Variants in PTK2B observed in about 807,000 individuals in gnomAD.
The protein encoded by PTK2B is protein-tyrosine kinase 2-beta.
In PTK2B, 71 loss-of-function variants were observed where a neutral mutation model predicts 142.9. The observed-to-expected ratio is 0.50, with a 90% CI of 0.41 to 0.61. PTK2B has a LOEUF of 0.61. Among genes scored for constraint, PTK2B ranks in the 20% least tolerant of loss-of-function variants. The probability of loss-of-function intolerance (pLI) is 0.00; values close to 1 mark genes in which losing one functional copy is unlikely to be tolerated. For synonymous variants in PTK2B, 519 were observed against 503.4 expected (o/e 1.03, Z -0.42); for missense variants, 1,105 against 1,320.4 (o/e 0.84, Z 2.53).
At chr8:27,347,147 C>T (rs961677416) in intron 1 of PTK2B, among the ~76,000 whole-genome samples, 1 of 150,506 alleles carries the variant, frequency 6.6e-6, no homozygotes, top group Non-Finnish European at 1.5e-5. Context: ...GAGGCCAAAA[C>T]GGGTGGATCA....
At chr8:27,368,948 C>A (rs1157673980) in intron 1 of PTK2B, among the ~76,000 whole-genome samples, 1 of 152,158 alleles carries the variant, frequency 6.6e-6, no homozygotes, top group African/African-American at 2.4e-5. Flanking sequence ...GGAGTGTCTC[C>A]CCTCTCAGGA....
chr8:27,423,048 G>A (rs958071172), intron 5 of PTK2B, among the ~76,000 whole-genome samples: 1 of 152,186 alleles, frequency 6.6e-6, no homozygotes, highest in African/African-American at 2.4e-5. Context: ...GGGATCAGTG[G>A]AAGGAAAAGC....
intron 1 of PTK2B, among the ~76,000 whole-genome samples, chr8:27,371,720 G>GT (rs1320174678): frequency 3.9e-5 from 6 of 151,990 alleles, no homozygotes; most frequent in African/African-American, 1.5e-4. Flanking sequence ...GCTAATTTTT[G>GT]TATTTTTAGT....
At chr8:27,350,892 C>T (rs1805012411) in intron 1 of PTK2B, among the ~76,000 whole-genome samples, 1 of 146,684 alleles carries the variant, frequency 6.8e-6, no homozygotes, top group Non-Finnish European at 1.5e-5. Flanking sequence ...AGGAGAATTG[C>T]TTGAACCCGG....
chr8:27,424,714 C>T (rs1019145930), intron 5 of PTK2B, among the ~76,000 whole-genome samples: 2 of 152,202 alleles, frequency 1.3e-5, no homozygotes, highest in African/African-American at 4.8e-5. Flanking sequence ...GGACACACTT[C>T]GGAAAATTAG....
At chr8:27,434,417 C>A (rs1810640446) in intron 12 of PTK2B, 96 bp from the exon 13 acceptor site, 1 of 1,360,018 alleles carries the variant, frequency 7.4e-7, no homozygotes, top group East Asian at 2.5e-5. Context: ...GACTACTTCT[C>A]CACAGGGGGC....
intron 22 of PTK2B, 100 bp downstream of exon 22, chr8:27,443,083 C>T: frequency 4.2e-6 from 3 of 720,684 alleles, no homozygotes; most frequent in Non-Finnish European, 7.3e-6. Flanking sequence ...ATGCCCCCTA[C>T]AGCCCTTTCT....
intron 2 of PTK2B, among the ~76,000 whole-genome samples, chr8:27,418,594 C>G (rs891392): frequency 6.6e-6 from 1 of 152,246 alleles, no homozygotes; most frequent in East Asian, 1.9e-4. Flanking sequence ...CTTGATGGCA[C>G]GCACATTGCA....
Position 27,437,193 on chromosome 8 carries a change from C to T in PTK2B, c.1413C>T (p.Phe471=), listed in dbSNP as rs1198327268. 1.2e-6 allele frequency: 2 copies of T among 1,613,948 alleles called. No homozygotes were observed. The highest frequency in any genetic ancestry group is 4.5e-5 in the East Asian group (2 of 44,862). Residue 471 remains phenylalanine (F), a synonymous_variant, in exon 16 of 31, where the codon TTC becomes TTT. Transcript: ENST00000346049. ...KDCTLDNKEK[F]MSEAVIMKNL... The stretch of plus-strand genomic sequence containing the variant: ...GCACTCTGGACAACAAGGAGAAGTT[C>T]ATGAGCGAGGCAGGTAGGGACCCCT...
chr8:27,333,444 G>A (rs1227600105), intron 1 of PTK2B, among the ~76,000 whole-genome samples: 2 of 152,170 alleles, frequency 1.3e-5, no homozygotes, highest in East Asian at 1.9e-4. Context: ...GAATTCGCAA[G>A]GGAGCAGATA....
chr8:27,407,295 C>T (rs1233013329), intron 2 of PTK2B, among the ~76,000 whole-genome samples: 3 of 152,250 alleles, frequency 2.0e-5, no homozygotes, highest in African/African-American at 7.2e-5. Context: ...AACATAAAAC[C>T]CTTCATGATT....
In PTK2B at chr8:27,440,397, C is replaced by T. The variant is rs777356124; in HGVS notation, c.1995C>T (p.Asp665=). ...YTLMTRCWDY[D]PSDRPRFTEL... ...TCATGACCCGCTGCTGGGACTACGA[C>T]CCCAGTGACCGGCCCCGCTTCACCG... The change falls in exon 21 of 31, where the codon GAC becomes GAT. Residue 665 remains aspartate, a synonymous_variant. Coordinates refer to ENST00000346049, the MANE Select transcript of PTK2B (RefSeq NM_173176.3). The T allele has an allele frequency of 6.2e-6, 10 of 1,614,058 alleles. No homozygotes were observed. Among genetic ancestry groups the T allele is most frequent in the Middle Eastern group, 1.7e-4 (1 of 6,054 alleles).
chr8:27,430,920 C>T lies in PTK2B; in HGVS notation c.714C>T (p.Tyr238=), dbSNP rs763392593. 2.5e-5 allele frequency: 41 copies of T among 1,614,082 alleles called. 1 individual carries two copies. In the East Asian group the frequency reaches 2.7e-4, roughly 11 times the overall value. Residue 238 remains tyrosine (Y), a synonymous_variant, in exon 8 of 31, where the codon TAC becomes TAT. Coordinates refer to ENST00000346049, the MANE Select transcript of PTK2B (RefSeq NM_173176.3). ...RKMIQQTFQQ[Y]ASLREEECVM... is the part of the protein sequence containing the mutation. ...TGATCCAGCAGACCTTCCAGCAGTA[C>T]GCCTCGCTCAGGGAGGAGGAGTGCG...
intron 2 of PTK2B, among the ~76,000 whole-genome samples, chr8:27,403,280 T>A (rs1267180697): frequency 6.6e-6 from 1 of 152,208 alleles, no homozygotes; most frequent in East Asian, 1.9e-4. Flanking sequence ...GAGTGTCTGA[T>A]CAAATGGAAG....
At chr8:27,352,475 G>A (rs867684126) in intron 1 of PTK2B, among the ~76,000 whole-genome samples, 1 of 152,202 alleles carries the variant, frequency 6.6e-6, no homozygotes, top group South Asian at 2.1e-4. Flanking sequence ...GGGGTGGAGG[G>A]GGGGCGGTCA....
At chr8:27,446,145 A>G (rs944977178) in intron 24 of PTK2B, among the ~76,000 whole-genome samples, 1 of 152,214 alleles carries the variant, frequency 6.6e-6, no homozygotes, top group African/African-American at 2.4e-5. Flanking sequence ...AGCTGGACCT[A>G]ACCTGCCCTT....
At chr8:27,456,319 CA>C (rs1563308625) in intron 30 of PTK2B, among the ~76,000 whole-genome samples, 1 of 152,188 alleles carries the variant, frequency 6.6e-6, no homozygotes, top group African/African-American at 2.4e-5. Context: ...GTGTCTCTGT[CA>C]CATTTTGGTA....
At chr8:27,421,876 G>C (rs1447743638) in intron 4 of PTK2B, among the ~76,000 whole-genome samples, 1 of 152,242 alleles carries the variant, frequency 6.6e-6, no homozygotes, top group Non-Finnish European at 1.5e-5. Context: ...GCTGTTTTCT[G>C]TCTGATATTA....
At chr8:27,452,594 G>A (rs1395575019) in intron 27 of PTK2B, 2 of 152,038 alleles carry the variant, frequency 1.3e-5, no homozygotes, top group South Asian at 2.1e-4. Flanking sequence ...AGTGTGCTGA[G>A]TGGACTTTTA....
Sources: allele counts gnomAD v4.1 joint callset (sites outside exome capture counted in the v4.1 genomes callset), GRCh38; gene constraint gnomAD v4.1.1; transcripts MANE v1.5; gene names NCBI Gene and HGNC (gene_info 2026-07-23, HGNC 2026-07-21).